SORCS2: variants seen among roughly 807,000 people sequenced by gnomAD.
SORCS2 encodes sortilin related VPS10 domain containing receptor 2.
SORCS2 carries 100 observed loss-of-function variants against 141.6 expected under a neutral mutation model. The ratio of observed to expected loss-of-function variants is 0.71; its 90% CI spans 0.60 to 0.83. The LOEUF (loss-of-function observed/expected upper bound fraction) is 0.83. Among genes scored for constraint, SORCS2 ranks in the 40% least tolerant of loss-of-function variants. SORCS2 has a pLI of 0.00. For synonymous variants in SORCS2, 789 were observed against 676.9 expected (o/e 1.17, Z -2.57); for missense variants, 1,646 against 1,560.2 (o/e 1.05, Z -0.93).
In SORCS2 at chr4:7,285,501, C is replaced by T. The variant is rs574315742; in HGVS notation, c.480+92375C>T. On this transcript the variant is annotated intron_variant, in intron 1 of 26. Coordinates refer to ENST00000507866, the MANE Select transcript of SORCS2 (RefSeq NM_020777.3). ...ATGCCCCACTCACCACTGCACGGAG[C>T]GCCTGGCTGCAGTGGGCGGTTGATT... Among the ~76,000 whole-genome samples the T allele has an allele frequency of 5.3e-5, 8 of 152,362 alleles. No individual in the cohort carries two copies. In the East Asian group the frequency reaches 9.6e-4, roughly 18 times the overall value.
intron 4 of SORCS2, 47 bp from the exon 5 acceptor site, chr4:7,654,087 T>C (rs1371427486): frequency 1.1e-5 from 17 of 1,509,040 alleles, no homozygotes; most frequent in Non-Finnish European, 1.4e-5. Context: ...AAGCAGCTTA[T>C]TCCTGACGTC....
chr4:7,390,304 C>T (rs1018013213), intron 1 of SORCS2, among the ~76,000 whole-genome samples: 2 of 152,164 alleles, frequency 1.3e-5, no homozygotes, highest in African/African-American at 2.4e-5. Flanking sequence ...TCTTGAGCCT[C>T]CGAAAGGCAG....
chr4:7,624,409 T>C (rs4689806), intron 3 of SORCS2, among the ~76,000 whole-genome samples: 119,683 of 152,230 alleles, frequency 0.79, 47,355 homozygotes, highest in East Asian at 0.96. Context: ...GATAAGGGAA[T>C]GATAAGAAAA....
rs1487647358 is a variant in SORCS2, at chr4:7,310,650, C to T, written c.481-85638C>T. ...CCGGAGATCTGCTCAGCCTGATGCA[C>T]ACACCCCAGGGCGGGGGCACAAGGC... is the stretch of plus-strand genomic sequence containing the variant. On this transcript the variant is annotated intron_variant, in intron 1 of 26. Coordinates refer to ENST00000507866, the MANE Select transcript of SORCS2 (RefSeq NM_020777.3). 3.3e-5 allele frequency: 5 copies of T among 153,776 alleles called. No homozygotes were observed. The Admixed American group carries it at 3.3e-4, about 10-fold the overall frequency. The allele number at this position is 153,776 out of a possible 1,614,324, so 9.5% of individuals were successfully genotyped here.
chr4:7,410,974 T>TTTTTTA (rs869033539), intron 2 of SORCS2, among the ~76,000 whole-genome samples: 1 of 131,930 alleles, frequency 7.6e-6, no homozygotes, highest in Non-Finnish European at 1.6e-5. Context: ...TTTTTTTTTT[T>TTTTTTA]GAGACGGAGT....
intron 3 of SORCS2, among the ~76,000 whole-genome samples, chr4:7,538,705 T>C (rs995034025): frequency 5.9e-5 from 9 of 152,130 alleles, no homozygotes; most frequent in South Asian, 2.1e-4. Flanking sequence ...CCCGGGCCCT[T>C]GACCCCAGAT....
At chr4:7,302,484 C>T (rs1024115479) in intron 1 of SORCS2, among the ~76,000 whole-genome samples, 9 of 152,210 alleles carry the variant, frequency 5.9e-5, no homozygotes, top group African/African-American at 2.2e-4. Flanking sequence ...CTGCCTGGCT[C>T]TCTGCCCCTC....
intron 3 of SORCS2, among the ~76,000 whole-genome samples, chr4:7,593,963 C>T (rs567461393): frequency 6.6e-6 from 1 of 152,194 alleles, no homozygotes; most frequent in Non-Finnish European, 1.5e-5. Context: ...TTATTGAAAT[C>T]CATCCTGACA....
At chr4:7,257,039 AT>A (rs1248498920) in intron 1 of SORCS2, among the ~76,000 whole-genome samples, 1 of 152,124 alleles carries the variant, frequency 6.6e-6, no homozygotes, top group Non-Finnish European at 1.5e-5. Context: ...ACTTCTCAGT[AT>A]TTCTAGAACA....
At chr4:7,615,091 T>C (rs953367382) in intron 3 of SORCS2, among the ~76,000 whole-genome samples, 2 of 152,238 alleles carry the variant, frequency 1.3e-5, no homozygotes, top group African/African-American at 4.8e-5. Flanking sequence ...CATCCATCCA[T>C]CCATTCATCT....
rs373009975 is a variant in SORCS2, at chr4:7,640,029, G to A, written c.813+1537G>A. 1.2e-3 allele frequency among the ~76,000 whole-genome samples: 180 copies of A among 145,498 alleles called. 2 individuals carry two copies. The highest frequency in any genetic ancestry group is 3.2e-3 in the African/African-American group (130 of 40,180). On this transcript the variant is annotated intron_variant, in intron 4 of 26. Transcript: ENST00000507866. ...AGTGCATGTCTGTGGGAGTGTGTAC[G>A]TGAGTGTGCATGTGTGAGAGTGTGA...
At chr4:7,477,674 C>A (rs1303324164) in intron 2 of SORCS2, among the ~76,000 whole-genome samples, 1 of 152,160 alleles carries the variant, frequency 6.6e-6, no homozygotes, top group East Asian at 1.9e-4. Context: ...GGCGGGAGGA[C>A]ATGGATGGAG....
intron 1 of SORCS2, among the ~76,000 whole-genome samples, chr4:7,255,224 C>T (rs1209704411): frequency 6.6e-6 from 1 of 151,944 alleles, no homozygotes; most frequent in Non-Finnish European, 1.5e-5. Context: ...CAAGTGTAAC[C>T]AGTGCTTCCC....
At chr4:7,632,427 C>T (rs898516583) in intron 3 of SORCS2, among the ~76,000 whole-genome samples, 8 of 152,198 alleles carry the variant, frequency 5.3e-5, no homozygotes, top group Non-Finnish European at 1.0e-4. Flanking sequence ...CCGCCTGGCA[C>T]GATGCTAATT....
At chr4:7,346,157 G>T (rs1187020924) in intron 1 of SORCS2, among the ~76,000 whole-genome samples, 1 of 152,044 alleles carries the variant, frequency 6.6e-6, no homozygotes, top group Non-Finnish European at 1.5e-5. Flanking sequence ...ATTGATGTTA[G>T]GGTTTTCTCC....
At chr4:7,534,230 G>A (rs929426792) in intron 3 of SORCS2, among the ~76,000 whole-genome samples, 14 of 152,322 alleles carry the variant, frequency 9.2e-5, no homozygotes, top group South Asian at 2.1e-4. Flanking sequence ...CACTGTAGCC[G>A]CATCAGGTTT....
intron 2 of SORCS2, among the ~76,000 whole-genome samples, chr4:7,416,545 C>G (rs769139319): frequency 1.3e-5 from 2 of 152,214 alleles, no homozygotes; most frequent in Non-Finnish European, 1.5e-5. Flanking sequence ...CACGCCCACA[C>G]GTGCATGCAT....
Position 7,729,574 on chromosome 4 carries a change from ACT to A in SORCS2, c.2983-9_2983-8del, listed in dbSNP as rs774536711. On this transcript the variant is annotated splice_polypyrimidine_tract_variant and intron_variant, in intron 22 of 26. Coordinates refer to ENST00000507866, the MANE Select transcript of SORCS2 (RefSeq NM_020777.3). ...AAGACAGGCGGACCAAAGTGGCTTAACTCTCCCCGCAGGAGACCAGCGTCCCT... is the reference window on the plus strand; with the variant it reads ...AAGACAGGCGGACCAAAGTGGCTTAACTCCCCGCAGGAGACCAGCGTCCCT... 89 of 1,573,124 alleles carry A rather than the reference ACT, an allele frequency of 5.7e-5. No individual in the cohort carries two copies. In the Middle Eastern group the frequency reaches 1.0e-3, roughly 18 times the overall value.
At chr4:7,289,162 GA>G (rs1219664310) in intron 1 of SORCS2, among the ~76,000 whole-genome samples, 2 of 152,198 alleles carry the variant, frequency 1.3e-5, no homozygotes, top group Non-Finnish European at 2.9e-5. Flanking sequence ...TACAGTTGAG[GA>G]AGCATTATTC....
Sources: allele counts gnomAD v4.1 joint callset (sites outside exome capture counted in the v4.1 genomes callset), GRCh38; gene constraint gnomAD v4.1.1; transcripts MANE v1.5; gene names NCBI Gene and HGNC (gene_info 2026-07-23, HGNC 2026-07-21).